Variants in CHN2 observed in about 807,000 individuals in gnomAD.
The protein encoded by CHN2 is chimerin 2, also known as beta-chimaerin.
CHN2 carries 35 observed loss-of-function variants against 56.3 expected under a neutral mutation model. The ratio of observed to expected loss-of-function variants is 0.62; its 90% confidence interval spans 0.47 to 0.82. The LOEUF (loss-of-function observed/expected upper bound fraction) is 0.82, where lower values mean the gene tolerates loss of function less well. Ranked by LOEUF, CHN2 falls within the 40% of genes least tolerant of loss-of-function variation. CHN2 has a pLI of 0.00. For synonymous variants in CHN2, 210 were observed against 212.8 expected (o/e 0.99, Z 0.12); for missense variants, 491 against 580.5 (o/e 0.85, Z 1.58).
At chr7:29,369,235 T>C (rs1799415987) in intron 3 of CHN2, among the ~76,000 whole-genome samples, 1 of 152,156 alleles carries the variant, frequency 6.6e-6, no homozygotes, top group Admixed American at 6.6e-5. Flanking sequence ...TCAGAAAAAT[T>C]ATTGCCATGT....
chr7:29,379,441 T>C (rs540976499), intron 3 of CHN2, among the ~76,000 whole-genome samples: 47 of 152,368 alleles, frequency 3.1e-4, no homozygotes, highest in Middle Eastern at 6.8e-3. Context: ...ATTAATAATT[T>C]GTATGCCAAT....
At chr7:29,507,936 G>A (rs187029673) in intron 11 of CHN2, among the ~76,000 whole-genome samples, 1 of 152,172 alleles carries the variant, frequency 6.6e-6, no homozygotes, top group Non-Finnish European at 1.5e-5. Context: ...GCTTGGTCTA[G>A]ATTAACTACT....
chr7:29,349,015 A>ATACTT (rs1774846117), intron 1 of CHN2, among the ~76,000 whole-genome samples: 1 of 152,212 alleles, frequency 6.6e-6, no homozygotes, highest in Middle Eastern at 3.2e-3. Flanking sequence ...TGATTTGTTA[A>ATACTT]TACTTAACAA....
At chr7:29,484,020 C>A in intron 7 of CHN2, 2 of 564,532 alleles carry the variant, frequency 3.5e-6, no homozygotes, top group Non-Finnish European at 6.3e-6. Flanking sequence ...TCTTTTTGTG[C>A]CTCTCACTTG....
At chr7:29,397,092 C>T (rs1386862621) in intron 4 of CHN2, 2 of 152,198 alleles carry the variant, frequency 1.3e-5, no homozygotes, top group African/African-American at 2.4e-5. Context: ...ATTTGGGAAG[C>T]CAGAAAGCCT....
At chr7:29,297,947 A>C (rs1793321916) in intron 1 of CHN2, among the ~76,000 whole-genome samples, 1 of 152,146 alleles carries the variant, frequency 6.6e-6, no homozygotes, top group Non-Finnish European at 1.5e-5. Flanking sequence ...GTCTAGAAAG[A>C]GGAGAGCAGG....
chr7:29,252,576 T>TATGCATCTTATAGAGAG (rs1424304454), intron 1 of CHN2, among the ~76,000 whole-genome samples: 1 of 67,012 alleles, frequency 1.5e-5, no homozygotes, highest in African/African-American at 1.0e-4. Flanking sequence ...ATTGCATTCT[T>TATGCATCTTATAGAGAG]TGTTTTTTTT....
intron 12 of CHN2, 92 bp downstream of exon 12, chr7:29,509,498 T>A: frequency 1.0e-6 from 1 of 966,690 alleles, no homozygotes; most frequent in East Asian, 2.5e-5. Flanking sequence ...CAGCCATAAC[T>A]GCTGGAGTTT....
intron 1 of CHN2, among the ~76,000 whole-genome samples, chr7:29,239,452 A>C (rs539542779): frequency 6.6e-6 from 1 of 152,228 alleles, no homozygotes; most frequent in South Asian, 2.1e-4. Flanking sequence ...CAGTTGGATA[A>C]ACAGATCTGG....
chr7:29,166,737 A>G (rs1795971957), intron 2 of CHN2, among the ~76,000 whole-genome samples: 1 of 152,010 alleles, frequency 6.6e-6, no homozygotes, highest in Non-Finnish European at 1.5e-5. Flanking sequence ...AATAATTTGT[A>G]TCATTTCTAT....
At chr7:29,257,296 C>T (rs1339244574) in intron 1 of CHN2, among the ~76,000 whole-genome samples, 1 of 152,170 alleles carries the variant, frequency 6.6e-6, no homozygotes, top group African/African-American at 2.4e-5. Flanking sequence ...CTATATGTGT[C>T]TTTCAATCGC....
At chr7:29,178,261 A>G (rs778370409) in intron 2 of CHN2, among the ~76,000 whole-genome samples, 15 of 152,154 alleles carry the variant, frequency 9.9e-5, no homozygotes, top group Non-Finnish European at 1.8e-4. Flanking sequence ...AGAACATGTT[A>G]TCCCCTTCCT....
intron 2 of CHN2, among the ~76,000 whole-genome samples, chr7:29,150,758 G>A (rs1203035333): frequency 6.6e-6 from 1 of 152,210 alleles, no homozygotes; most frequent in Non-Finnish European, 1.5e-5. Context: ...TATAGCCATT[G>A]TTCCTTTTCA....
intron 1 of CHN2, among the ~76,000 whole-genome samples, chr7:29,230,029 C>T (rs1266254338): frequency 1.3e-5 from 2 of 151,962 alleles, no homozygotes; most frequent in Non-Finnish European, 2.9e-5. Flanking sequence ...CAGCCATGCC[C>T]ATTTGTTTAG....
chr7:29,362,069 C>A (rs143798144), intron 2 of CHN2, among the ~76,000 whole-genome samples: 13 of 152,292 alleles, frequency 8.5e-5, no homozygotes, highest in African/African-American at 3.1e-4. Context: ...ATCTGGGGGC[C>A]CCTGGCCGGA....
At chr7:29,338,432 C>A (rs999920321) in intron 1 of CHN2, among the ~76,000 whole-genome samples, 8 of 152,104 alleles carry the variant, frequency 5.3e-5, no homozygotes, top group Non-Finnish European at 1.2e-4. Flanking sequence ...TTTTCAGATC[C>A]GGACAATGCT....
At chr7:29,492,657 C>T (rs1240392792) in intron 7 of CHN2, among the ~76,000 whole-genome samples, 3 of 152,184 alleles carry the variant, frequency 2.0e-5, no homozygotes, top group Admixed American at 2.0e-4. Flanking sequence ...TTGAGCTATC[C>T]TCTGTCTCTG....
intron 1 of CHN2, among the ~76,000 whole-genome samples, chr7:29,201,019 CT>C (rs1562825954): frequency 6.6e-6 from 1 of 152,198 alleles, no homozygotes; most frequent in Non-Finnish European, 1.5e-5. Context: ...TGAGACTAAT[CT>C]GAATATAGTC....
intron 1 of CHN2, among the ~76,000 whole-genome samples, chr7:29,214,367 C>T (rs245929): frequency 0.22 from 33,983 of 152,024 alleles, 4,241 homozygotes; most frequent in East Asian, 0.53. Context: ...TCCTCTGGCC[C>T]GTCATTCCCT....
Sources: allele counts gnomAD v4.1 joint callset (sites outside exome capture counted in the v4.1 genomes callset), GRCh38; gene constraint gnomAD v4.1.1; transcripts MANE v1.5; gene names NCBI Gene and HGNC (gene_info 2026-07-23, HGNC 2026-07-21).